The following FEZ2 variants were observed in gnomAD, a reference collection of about 807,000 sequenced individuals.
FEZ2 encodes fasciculation and elongation protein zeta 2, also known as fasciculation and elongation protein zeta-2.
A neutral mutation model predicts 40.4 loss-of-function variants in FEZ2; 51 were observed. The ratio of observed to expected loss-of-function variants is 1.26; its 90% CI spans 1.01 to 1.59. FEZ2 has a LOEUF of 1.59. Ranked by LOEUF, FEZ2 falls within the 40% of genes most tolerant of loss-of-function variation. The probability of loss-of-function intolerance (pLI) is 0.00; values close to 1 mark genes in which losing one functional copy is unlikely to be tolerated. For synonymous variants in FEZ2, 242 were observed against 172.0 expected, an observed-to-expected ratio of 1.41 and a Z score of -3.18; for missense variants, 640 against 438.3, an observed-to-expected ratio of 1.46 and a Z score of -4.11.
chr2:36,571,110 A>G (rs1668396975), intron 5 of FEZ2, among the ~76,000 whole-genome samples: 1 of 152,212 alleles, frequency 6.6e-6, no homozygotes, highest in Non-Finnish European at 1.5e-5. Context: ...AAAACTGATG[A>G]TGACATATAT....
chr2:36,589,246 A>G (rs1668998418), intron 2 of FEZ2, among the ~76,000 whole-genome samples: 1 of 152,246 alleles, frequency 6.6e-6, no homozygotes, highest in Non-Finnish European at 1.5e-5. Context: ...TTTTAGAGAC[A>G]GGGACAAAGT....
chr2:36,578,852 G>A lies in FEZ2; in HGVS notation c.648C>T (p.Leu216=), dbSNP rs747735083. Residue 216 remains leucine, a synonymous_variant, in exon 5 of 8, where the codon CTC becomes CTT. Transcript: ENST00000405912. ...TGSYEERVKR[L]SVSELNEILE... ...GGATTTCATTTAACTCAGACACTGA[G>A]AGCCTTTTCACTCCTGTGACCAAAA... 8.7e-6 allele frequency: 14 copies of A among 1,609,998 alleles called. No homozygotes were observed. Among genetic ancestry groups the A allele is most frequent in the Admixed American group, 1.7e-5 (1 of 59,320 alleles).
At chr2:36,589,419 C>T (rs1669002760) in intron 2 of FEZ2, among the ~76,000 whole-genome samples, 1 of 152,192 alleles carries the variant, frequency 6.6e-6, no homozygotes, top group Non-Finnish European at 1.5e-5. Context: ...GACCATCTGT[C>T]AGAGATGCTG....
At chr2:36,573,005 C>A (rs1668460581) in intron 5 of FEZ2, among the ~76,000 whole-genome samples, 1 of 152,166 alleles carries the variant, frequency 6.6e-6, no homozygotes, top group African/African-American at 2.4e-5. Flanking sequence ...CTTTTCTCTA[C>A]TACCGTTAGT....
intron 5 of FEZ2, 99 bp downstream of exon 5, chr2:36,578,498 C>T (rs1015487036): frequency 2.0e-5 from 24 of 1,209,590 alleles, no homozygotes; most frequent in Non-Finnish European, 2.8e-5. Context: ...AACACTCCTG[C>T]CCATGTACAA....
rs796160040 is a variant in FEZ2, at chr2:36,594,365, T to A, written c.267-3354A>T. 21 of 160,742 alleles carry A rather than the reference T, an allele frequency of 1.3e-4. No individual in the cohort carries two copies. In the South Asian group the frequency reaches 3.6e-3, roughly 27 times the overall value. 10.0% of individuals were successfully genotyped at this position (160,742 alleles called of 1,614,324 possible). A position where few individuals can be genotyped will look rare whatever the true frequency, so the allele number is the denominator to read the frequency against. ...TATTAGGTTATTTTCATGCAGCTGATAAAGACATACCCGAGACTGGGAAGA... is the reference window on the plus strand; with the variant it reads ...TATTAGGTTATTTTCATGCAGCTGAAAAAGACATACCCGAGACTGGGAAGA... On this transcript the variant is annotated intron_variant, in intron 1 of 7. Coordinates refer to ENST00000405912, the MANE Select transcript of FEZ2 (RefSeq NM_005102.3).
intron 5 of FEZ2, among the ~76,000 whole-genome samples, chr2:36,567,825 T>A (rs772243287): frequency 1.3e-5 from 2 of 150,458 alleles, no homozygotes; most frequent in Non-Finnish European, 3.0e-5. Context: ...AAGTAGGAGA[T>A]CAGTGAACTA....
intron 5 of FEZ2, among the ~76,000 whole-genome samples, chr2:36,564,986 T>G (rs1298502841): frequency 6.6e-6 from 1 of 152,172 alleles, no homozygotes; most frequent in East Asian, 1.9e-4. Flanking sequence ...ATCCCCTCAT[T>G]TGCTGGACTT....
chr2:36,577,396 T>C (rs1668605144), intron 5 of FEZ2, among the ~76,000 whole-genome samples: 1 of 152,110 alleles, frequency 6.6e-6, no homozygotes, highest in Non-Finnish European at 1.5e-5. Flanking sequence ...TAGCTGGAAT[T>C]ACAGGCATGC....
At chr2:36,561,040 C>T (rs1234763544) in intron 5 of FEZ2, among the ~76,000 whole-genome samples, 1 of 152,236 alleles carries the variant, frequency 6.6e-6, no homozygotes, top group African/African-American at 2.4e-5. Context: ...CTGTTGCTTC[C>T]ATTTCTTTGC....
intron 5 of FEZ2, chr2:36,561,437 G>A (rs2125221473): frequency 6.6e-6 from 1 of 152,310 alleles, no homozygotes; most frequent in African/African-American, 2.4e-5. Context: ...TTCCTGGAGA[G>A]CAGAGTGGAT....
At chr2:36,596,983 T>G (rs1052123755) in intron 1 of FEZ2, among the ~76,000 whole-genome samples, 4 of 152,216 alleles carry the variant, frequency 2.6e-5, no homozygotes, top group Non-Finnish European at 4.4e-5. Context: ...CTCTCCCAGC[T>G]GTGATAAAAC....
At chr2:36,591,945 A>G (rs1653516562) in intron 1 of FEZ2, among the ~76,000 whole-genome samples, 1 of 152,176 alleles carries the variant, frequency 6.6e-6, no homozygotes, top group Admixed American at 6.5e-5. Context: ...CCCAAACCAC[A>G]CCAGATAAGA....
intron 5 of FEZ2, among the ~76,000 whole-genome samples, chr2:36,576,312 C>T (rs1329873502): frequency 4.6e-5 from 7 of 151,868 alleles, no homozygotes; most frequent in Admixed American, 2.6e-4. Context: ...TTCTGTTGCC[C>T]GGGCTGGAGT....
Position 36,568,108 on chromosome 2 carries a change from G to A in FEZ2, c.904-9595C>T, listed in dbSNP as rs3821149. On this transcript the variant is annotated intron_variant, in intron 5 of 7. Coordinates refer to ENST00000405912, the MANE Select transcript of FEZ2 (RefSeq NM_005102.3). ...ATTAGGTGCTTATGGTGCTTAACTG[G>A]GCCAGAGGGAAGATTTTCTCTATGC... is the stretch of plus-strand genomic sequence containing the variant. Among the ~76,000 whole-genome samples, 537 of 152,208 alleles carry A rather than the reference G, an allele frequency of 3.5e-3. 20 individuals are homozygous for A. The East Asian group carries it at 0.093, about 26-fold the overall frequency.
At chr2:36,573,320 C>T (rs1668468851) in intron 5 of FEZ2, among the ~76,000 whole-genome samples, 1 of 152,118 alleles carries the variant, frequency 6.6e-6, no homozygotes, top group African/African-American at 2.4e-5. Flanking sequence ...AATGCCCAGA[C>T]AACTGCAGAT....
chr2:36,581,219 G>C lies in FEZ2; in HGVS notation c.634+71C>G, dbSNP rs1047662075. ...AGGAGGATGAAATCAAAGCTTTCTG[G>C]AGATGATCATACTATACATTTGATA... On this transcript the variant is annotated intron_variant, in intron 4 of 7. Coordinates refer to ENST00000405912, the MANE Select transcript of FEZ2 (RefSeq NM_005102.3). The C allele has an allele frequency of 1.4e-5, 19 of 1,334,420 alleles. No individual in the cohort carries two copies. The African/African-American group carries it at 2.4e-4, about 17-fold the overall frequency. 82.7% of individuals were successfully genotyped at this position (1,334,420 alleles called of 1,614,324 possible).
Position 36,552,467 on chromosome 2 carries a change from G to A in FEZ2, c.*696C>T, listed in dbSNP as rs911215280. ...GCACCTCAGAGGACACACACTTAAA[G>A]TACAATTCTTCACAGACACATGAAG... On this transcript the variant is annotated 3_prime_UTR_variant, in exon 8 of 8. Coordinates refer to ENST00000405912, the MANE Select transcript of FEZ2 (RefSeq NM_005102.3). 2 of 265,210 alleles carry A rather than the reference G, an allele frequency of 7.5e-6. No homozygotes were observed. Among genetic ancestry groups the A allele is most frequent in the Admixed American group, 1.0e-4 (2 of 19,764 alleles). The allele number at this position is 265,210 out of a possible 1,614,324, so 16.4% of individuals were successfully genotyped here.
intron 7 of FEZ2, among the ~76,000 whole-genome samples, chr2:36,555,115 A>G (rs1667922028): frequency 6.6e-6 from 1 of 152,172 alleles, no homozygotes; most frequent in African/African-American, 2.4e-5. Flanking sequence ...CCTCATCAAT[A>G]TTCCCACCCT....
Sources: gnomAD v4.1 joint callset for allele counts (sites outside exome capture counted in the v4.1 genomes callset) on GRCh38, gnomAD v4.1.1 for gene constraint, MANE v1.5 for transcripts, NCBI Gene and HGNC (gene_info 2026-07-23, HGNC 2026-07-21) for gene names.